Variants in TASP1 observed in about 807,000 individuals in gnomAD.
TASP1 encodes the protein taspase 1, also known as threonine aspartase 1.
Under a neutral mutation model 56.6 loss-of-function variants are expected in TASP1, and 16 were observed. That is an observed-to-expected ratio of 0.28 (90% confidence interval 0.19 to 0.43). TASP1 has a LOEUF of 0.43. TASP1 is among the 20% of genes least tolerant of loss of function. The pLI, the probability that TASP1 is intolerant of heterozygous loss-of-function variation, is 1.00. For missense variants in TASP1, 393 were observed against 511.6 expected (o/e 0.77, Z 2.24); for synonymous variants, 179 against 184.2 (o/e 0.97, Z 0.23).
chr20:13,208,271 T>C, the TASP1 span, among the ~76,000 whole-genome samples: 6 of 152,234 alleles, frequency 3.9e-5, no homozygotes, highest in Non-Finnish European at 7.3e-5. Context: ...TTAATGATTT[T>C]AGAAAACACA....
At chr20:13,472,487 A>T (rs1435777717) in intron 11 of TASP1, among the ~76,000 whole-genome samples, 1 of 151,084 alleles carries the variant, frequency 6.6e-6, no homozygotes, top group African/African-American at 2.4e-5. Context: ...GACAAATGGG[A>T]TCTAATTCGA....
chr20:13,164,391 T>C, the TASP1 span: 1 of 475,896 alleles, frequency 2.1e-6, no homozygotes, highest in Admixed American at 2.3e-5. Context: ...TAACTTCAAA[T>C]GCATTCTGCA....
intron 10 of TASP1, among the ~76,000 whole-genome samples, chr20:13,521,907 T>C (rs529624342): frequency 6.6e-4 from 101 of 152,272 alleles, no homozygotes; most frequent in Admixed American, 1.0e-3. Flanking sequence ...CAGGAAATGT[T>C]GGCTGAAGGA....
At chr20:13,132,385 C>T in the TASP1 span, among the ~76,000 whole-genome samples, 3 of 151,912 alleles carry the variant, frequency 2.0e-5, no homozygotes, top group South Asian at 2.1e-4. Context: ...CCATGTTGGC[C>T]GGGCTGATCT....
the TASP1 span, among the ~76,000 whole-genome samples, chr20:13,304,961 G>C: frequency 6.6e-6 from 1 of 151,918 alleles, no homozygotes; most frequent in Non-Finnish European, 1.5e-5. Context: ...GTGCTTCCAG[G>C]GGACCCCAAA....
chr20:13,539,717 A>T lies in TASP1; in HGVS notation c.676-5576T>A, dbSNP rs553656549. Among the ~76,000 whole-genome samples, 5 of 152,328 alleles carry T rather than the reference A, an allele frequency of 3.3e-5. No homozygotes were observed. In the South Asian group the frequency reaches 1.0e-3, roughly 32 times the overall value. ...GTTAGAGGAATTAAATTCATACCAT[A>T]AAAAAGATTACTTAAAAATTCCAAA... On this transcript the variant is annotated intron_variant, in intron 8 of 13. Coordinates refer to ENST00000337743, the MANE Select transcript of TASP1 (RefSeq NM_017714.3).
chr20:13,486,941 C>T (rs1331087951), intron 10 of TASP1, among the ~76,000 whole-genome samples: 1 of 152,186 alleles, frequency 6.6e-6, no homozygotes, highest in Non-Finnish European at 1.5e-5. Context: ...ATGATGTCTG[C>T]TTTCATCACT....
intron 10 of TASP1, among the ~76,000 whole-genome samples, chr20:13,524,538 C>A (rs2044897209): frequency 6.6e-6 from 1 of 152,170 alleles, no homozygotes; most frequent in South Asian, 2.1e-4. Context: ...GTTTGCCAGG[C>A]ACTCAGGAGA....
chr20:13,214,842 T>C, the TASP1 span, among the ~76,000 whole-genome samples: 1 of 152,214 alleles, frequency 6.6e-6, no homozygotes, highest in Non-Finnish European at 1.5e-5. Flanking sequence ...AACTTTTCTA[T>C]AGCTTTCCAT....
chr20:13,305,853 G>C, the TASP1 span, among the ~76,000 whole-genome samples: 1 of 152,174 alleles, frequency 6.6e-6, no homozygotes, highest in Non-Finnish European at 1.5e-5. Context: ...TTTAATTTCT[G>C]TGTAGAGATT....
At chr20:13,547,480 A>G (rs1185777354) in intron 8 of TASP1, among the ~76,000 whole-genome samples, 1 of 152,192 alleles carries the variant, frequency 6.6e-6, no homozygotes, top group Non-Finnish European at 1.5e-5. Flanking sequence ...ATTTGGTGAG[A>G]AAAAAAGGTA....
chr20:13,450,342 T>C (rs994746931), intron 11 of TASP1, among the ~76,000 whole-genome samples: 14 of 152,056 alleles, frequency 9.2e-5, no homozygotes, highest in African/African-American at 3.4e-4. Flanking sequence ...GCAATGAAGT[T>C]TGCTGCATTA....
chr20:13,496,172 G>A (rs1400004832), intron 10 of TASP1, among the ~76,000 whole-genome samples: 1 of 152,054 alleles, frequency 6.6e-6, no homozygotes, highest in Non-Finnish European at 1.5e-5. Flanking sequence ...TCCTGCCTCA[G>A]CCTCCTGAGG....
the TASP1 span, among the ~76,000 whole-genome samples, chr20:13,138,309 T>TA: frequency 2.3e-4 from 35 of 152,266 alleles, no homozygotes; most frequent in African/African-American, 8.4e-4. Context: ...TGCAGGCAGC[T>TA]TTTCCTCTAT....
the TASP1 span, among the ~76,000 whole-genome samples, chr20:13,134,128 A>G: frequency 6.6e-6 from 1 of 152,222 alleles, no homozygotes; most frequent in Non-Finnish European, 1.5e-5. Context: ...TGCAGCTACC[A>G]TATAACAATC....
the TASP1 span, among the ~76,000 whole-genome samples, chr20:13,223,122 A>T: frequency 6.6e-6 from 1 of 151,658 alleles, no homozygotes; most frequent in Non-Finnish European, 1.5e-5. Context: ...GCGCCACTGC[A>T]CTCCAGCCTG....
chr20:13,237,937 T>G, the TASP1 span: 1 of 152,106 alleles, frequency 6.6e-6, no homozygotes, highest in Non-Finnish European at 1.5e-5. Flanking sequence ...TGTTACAACA[T>G]CAAAGACCAA....
chr20:13,561,611 C>T (rs1335510309), intron 7 of TASP1, among the ~76,000 whole-genome samples: 1 of 152,130 alleles, frequency 6.6e-6, no homozygotes, highest in Non-Finnish European at 1.5e-5. Flanking sequence ...AGGTGATTCG[C>T]CCGCATCAGC....
At chr20:13,525,831 T>C (rs986236213) in intron 10 of TASP1, among the ~76,000 whole-genome samples, 1 of 152,196 alleles carries the variant, frequency 6.6e-6, no homozygotes, top group Non-Finnish European at 1.5e-5. Flanking sequence ...GGAGATTTAC[T>C]CTATCATCCC....
Sources: allele counts gnomAD v4.1 joint callset (sites outside exome capture counted in the v4.1 genomes callset), GRCh38; gene constraint gnomAD v4.1.1; transcripts MANE v1.5; gene names NCBI Gene and HGNC (gene_info 2026-07-23, HGNC 2026-07-21).